Variants in ATAD2 observed in about 807,000 individuals in gnomAD.
The protein encoded by ATAD2 is ATPase family AAA domain-containing protein 2.
ATAD2 carries 62 observed loss-of-function variants against 168.9 expected under a neutral mutation model. The observed-to-expected ratio is 0.37, with a 90% CI of 0.30 to 0.45. The LOEUF is 0.45. ATAD2 is among the 20% of genes least tolerant of loss of function. ATAD2 has a pLI of 1.00. For missense variants in ATAD2, 1,419 were observed against 1,667.8 expected (o/e 0.85, Z 2.60); for synonymous variants, 613 against 571.6 (o/e 1.07, Z -1.03).
intron 17 of ATAD2, 30 bp downstream of exon 17, chr8:123,346,588 A>G: frequency 6.7e-7 from 1 of 1,501,598 alleles, no homozygotes; most frequent in Non-Finnish European, 9.0e-7. Flanking sequence ...TTACACATGC[A>G]AAAAACATTG....
intron 1 of ATAD2, among the ~76,000 whole-genome samples, chr8:123,383,984 G>C (rs1311428674): frequency 1.3e-5 from 2 of 151,924 alleles, no homozygotes; most frequent in Non-Finnish European, 2.9e-5. Context: ...GGGAGGCTGA[G>C]GCAGGAGAAT....
At chr8:123,327,243 G>GT (rs1471852558) in intron 25 of ATAD2, among the ~76,000 whole-genome samples, 1 of 152,158 alleles carries the variant, frequency 6.6e-6, no homozygotes, top group Non-Finnish European at 1.5e-5. Context: ...TCTAATTGTT[G>GT]TGAGAGCCAG....
intron 24 of ATAD2, among the ~76,000 whole-genome samples, chr8:123,329,165 T>C (rs1230930947): frequency 6.6e-6 from 1 of 152,156 alleles, no homozygotes; most frequent in East Asian, 1.9e-4. Flanking sequence ...GTCTAATGCA[T>C]ATTTTGCAAA....
intron 19 of ATAD2, chr8:123,344,491 G>A (rs150193107): frequency 0.025 from 4,403 of 177,234 alleles, 189 homozygotes; most frequent in African/African-American, 0.098. Context: ...GACTGCAGGC[G>A]CCAGCCACCA....
chr8:123,410,458 G>A (rs1813138223), intron 1 of ATAD2, among the ~76,000 whole-genome samples: 1 of 152,066 alleles, frequency 6.6e-6, no homozygotes, highest in South Asian at 2.1e-4. Context: ...GGCTAATTTT[G>A]TATTTTTAGT....
chr8:123,390,780 C>T (rs539050226), intron 1 of ATAD2, among the ~76,000 whole-genome samples: 28 of 152,296 alleles, frequency 1.8e-4, no homozygotes, highest in Non-Finnish European at 3.2e-4. Flanking sequence ...CGCCTGTAAT[C>T]CCAGACTTTG....
chr8:123,328,712 A>G (rs34794405), intron 24 of ATAD2, 133 bp from the exon 25 acceptor site: 7 of 939,298 alleles, frequency 7.5e-6, no homozygotes, highest in Non-Finnish European at 1.0e-5. Flanking sequence ...AAATACAGAA[A>G]CAAGAATAGA....
intron 25 of ATAD2, among the ~76,000 whole-genome samples, chr8:123,327,088 T>C (rs745356495): frequency 9.9e-5 from 15 of 152,104 alleles, no homozygotes; most frequent in Non-Finnish European, 1.8e-4. Context: ...TTTGTATTTT[T>C]AGTAGAGACA....
At chr8:123,388,960 T>C (rs1427562480) in intron 1 of ATAD2, among the ~76,000 whole-genome samples, 2 of 151,332 alleles carry the variant, frequency 1.3e-5, no homozygotes, top group African/African-American at 4.9e-5. Context: ...GCTTTGCTGT[T>C]TTCTTCTCTC....
At chr8:123,411,263 C>T (rs571951741) in intron 1 of ATAD2, among the ~76,000 whole-genome samples, 59 of 152,130 alleles carry the variant, frequency 3.9e-4, no homozygotes, top group Non-Finnish European at 6.9e-4. Context: ...AGATCTACCG[C>T]GGACCCCTGG....
chr8:123,411,396 C>A lies in ATAD2; in HGVS notation c.-2282+4852G>T, dbSNP rs559520428. 3.9e-5 allele frequency among the ~76,000 whole-genome samples: 6 copies of A among 152,182 alleles called. No homozygotes were observed. The South Asian group carries it at 1.2e-3, about 32-fold the overall frequency. On this transcript the variant is annotated intron_variant, in intron 1 of 28. Coordinates refer to the ATAD2 transcript ENST00000521903. ...AAGAAGCAGTTAGAGCAGTCGTCGG[C>A]GAACCTCCCCAACAGCACTTGGGTT...
intron 1 of ATAD2, among the ~76,000 whole-genome samples, chr8:123,381,861 A>G (rs995276466): frequency 6.6e-6 from 1 of 152,166 alleles, no homozygotes; most frequent in Admixed American, 6.6e-5. Context: ...GCCATGGCCA[A>G]CATTGTGAAA....
At position 123,402,147 on chromosome 8, in the gene ATAD2, C is replaced by G. The variant is rs547809052; in HGVS notation, c.-2281-972G>C. 3.4e-5 allele frequency: 25 copies of G among 735,782 alleles called. No individual in the cohort carries two copies. In the African/African-American group the frequency reaches 3.8e-4, roughly 11 times the overall value. The allele number at this position is 735,782 out of a possible 1,614,324, so 45.6% of individuals were successfully genotyped here. ...CCGAGGTGGTGGAGGGGGCACCCCC[C>G]AGTGTCCACCTTCGGGCATAGCCTC... is the stretch of plus-strand genomic sequence containing the variant. On this transcript the variant is annotated intron_variant, in intron 1 of 28. Transcript: ENST00000521903. The surrounding 1 kb of genome is among the most constrained non-coding windows in gnomAD (Gnocchi z 4.8).
upstream of ATAD2, among the ~76,000 whole-genome samples, chr8:123,397,239 TCA>T (rs1491232651): frequency 0.34 from 26,452 of 77,416 alleles, 2,327 homozygotes; most frequent in East Asian, 0.48. Context: ...AGACTCTGTC[TCA>T]AAAAAAAAAA....
chr8:123,387,596 T>A (rs777958775), intron 1 of ATAD2, among the ~76,000 whole-genome samples: 1 of 152,214 alleles, frequency 6.6e-6, no homozygotes, highest in African/African-American at 2.4e-5. Context: ...AATATTCTCA[T>A]TTATTCTTTG....
At chr8:123,361,124 C>T (rs1828805330) in intron 9 of ATAD2, among the ~76,000 whole-genome samples, 1 of 151,784 alleles carries the variant, frequency 6.6e-6, no homozygotes, top group South Asian at 2.1e-4. Context: ...CAAGACCAGC[C>T]TGGCCAACAT....
At chr8:123,339,755 T>A (rs1231494976) in intron 19 of ATAD2, among the ~76,000 whole-genome samples, 1 of 152,200 alleles carries the variant, frequency 6.6e-6, no homozygotes, top group Non-Finnish European at 1.5e-5. Flanking sequence ...GTATATTTTT[T>A]AAACAAGTCT....
intron 26 of ATAD2, among the ~76,000 whole-genome samples, chr8:123,325,616 T>A (rs1292407113): frequency 1.3e-5 from 2 of 151,816 alleles, no homozygotes; most frequent in Non-Finnish European, 2.9e-5. Context: ...AGACAGGGTT[T>A]CACACTGTTG....
At chr8:123,382,151 C>T (rs1306840726) in intron 1 of ATAD2, among the ~76,000 whole-genome samples, 3 of 152,130 alleles carry the variant, frequency 2.0e-5, no homozygotes, top group Admixed American at 6.6e-5. Context: ...TTTAGAAAAA[C>T]GGGCAGTGAT....
Sources: allele counts gnomAD v4.1 joint callset (sites outside exome capture counted in the v4.1 genomes callset), GRCh38; gene constraint gnomAD v4.1.1; non-coding constraint Gnocchi (gnomAD v3.1); transcripts MANE v1.5; gene names NCBI Gene and HGNC (gene_info 2026-07-23, HGNC 2026-07-21).